The following POU2F3 variants were observed in gnomAD, a reference collection of about 807,000 sequenced individuals.
The protein encoded by POU2F3 is POU class 2 homeobox 3.
Under a neutral mutation model 59.2 loss-of-function variants are expected in POU2F3, and 23 were observed. That is an observed-to-expected ratio of 0.39 (90% CI 0.28 to 0.55). The LOEUF (loss-of-function observed/expected upper bound fraction) is 0.55. POU2F3 is among the 20% of genes least tolerant of loss of function. The pLI is 0.66. For missense variants in POU2F3, 473 were observed against 544.5 expected (o/e 0.87, Z 1.31); for synonymous variants, 190 against 214.6 (o/e 0.89, Z 1.00).
intron 6 of POU2F3, among the ~76,000 whole-genome samples, chr11:120,304,605 AAAAAAAC>A (rs1252489589): frequency 4.3e-4 from 64 of 150,572 alleles, no homozygotes; most frequent in Non-Finnish European, 1.8e-4. Flanking sequence ...TGCTTTATGG[AAAAAAAC>A]AAAAAACAAA....
At chr11:120,310,532 G>T (rs1393784333) in intron 10 of POU2F3, among the ~76,000 whole-genome samples, 1 of 152,182 alleles carries the variant, frequency 6.6e-6, no homozygotes, top group Non-Finnish European at 1.5e-5. Flanking sequence ...GAAGTTCTAG[G>T]GAGACAATGA....
intron 3 of POU2F3, among the ~76,000 whole-genome samples, chr11:120,290,293 A>G (rs2135260916): frequency 6.6e-6 from 1 of 152,352 alleles, no homozygotes; most frequent in Admixed American, 6.5e-5. Context: ...AGACCTGTTG[A>G]AAACTTCACT....
rs140899940 is a variant in POU2F3 at position 120,294,965 on chromosome 11, A to G, written c.133-3300A>G. 2.0e-4 allele frequency among the ~76,000 whole-genome samples: 31 copies of G among 152,364 alleles called. No homozygotes were observed. In the East Asian group the frequency reaches 5.6e-3, roughly 27 times the overall value. Reference sequence around the variant, plus strand: ...AAGAAGATAAAAATAAATAAATAAAAATTATAAAAGAGTAAAAAGTCGGTC... The same window carrying G: ...AAGAAGATAAAAATAAATAAATAAAGATTATAAAAGAGTAAAAAGTCGGTC... On this transcript the variant is annotated intron_variant, in intron 3 of 12. Coordinates refer to ENST00000543440, the MANE Select transcript of POU2F3 (RefSeq NM_014352.4).
chr11:120,307,342 C>G (rs1941523089), intron 8 of POU2F3, 137 bp from the exon 9 acceptor site: 3 of 1,007,192 alleles, frequency 3.0e-6, no homozygotes, highest in East Asian at 2.4e-5. Context: ...TTCTGGGCTC[C>G]CTGCTGGGGG....
chr11:120,275,865 C>T (rs1004795724), intron 3 of POU2F3, among the ~76,000 whole-genome samples: 1 of 152,186 alleles, frequency 6.6e-6, no homozygotes, highest in Non-Finnish European at 1.5e-5. Context: ...TAGTTTTAAA[C>T]CAACTGGGAT....
In POU2F3 at chr11:120,246,553, G is replaced by T. The variant is rs766843782; in HGVS notation, c.97+36G>T. 17 of 1,600,422 alleles carry T rather than the reference G, an allele frequency of 1.1e-5. 1 individual carries two copies. In the South Asian group the frequency reaches 1.9e-4, roughly 18 times the overall value. ...TCTCTTCTCGGGGATGGAGGGGGTG[G>T]GGGGAAGAGAGTTGTTGGGAATTGT... On this transcript the variant is annotated intron_variant, in intron 2 of 12. Transcript: ENST00000543440.
chr11:120,255,556 T>A (rs990034171), intron 2 of POU2F3, among the ~76,000 whole-genome samples: 2 of 151,882 alleles, frequency 1.3e-5, no homozygotes, highest in African/African-American at 4.8e-5. Context: ...AAGGTTTTCT[T>A]GAGGAGGGAA....
intron 2 of POU2F3, among the ~76,000 whole-genome samples, chr11:120,247,388 A>T (rs1565352681): frequency 6.6e-6 from 1 of 152,154 alleles, no homozygotes; most frequent in Non-Finnish European, 1.5e-5. Context: ...CCATTCTTGA[A>T]GCTATGAGAT....
intron 2 of POU2F3, among the ~76,000 whole-genome samples, chr11:120,255,568 C>T (rs2715881): frequency 0.41 from 62,903 of 151,682 alleles, 15,526 homozygotes; most frequent in East Asian, 1. Context: ...AGGAGGGAAG[C>T]GTGGACAAAA....
intron 2 of POU2F3, chr11:120,250,443 C>T (rs1256413649): frequency 6.6e-6 from 1 of 152,206 alleles, no homozygotes; most frequent in Non-Finnish European, 1.5e-5. Flanking sequence ...TAAGGGTGTT[C>T]TCAAATACTT....
At chr11:120,296,946 A>G (rs933303303) in intron 3 of POU2F3, among the ~76,000 whole-genome samples, 1 of 152,252 alleles carries the variant, frequency 6.6e-6, no homozygotes, top group South Asian at 2.1e-4. Context: ...AGAATTAAGC[A>G]CAAGTTTAGC....
chr11:120,244,974 G>A (rs1282722692), intron 1 of POU2F3, among the ~76,000 whole-genome samples: 1 of 152,124 alleles, frequency 6.6e-6, no homozygotes, highest in African/African-American at 2.4e-5. Context: ...GGGTAAGGTT[G>A]CAGGTCTTCC....
At chr11:120,296,723 T>C (rs949948611) in intron 3 of POU2F3, among the ~76,000 whole-genome samples, 10 of 152,202 alleles carry the variant, frequency 6.6e-5, no homozygotes, top group Non-Finnish European at 1.5e-5. Flanking sequence ...TACAGGACAT[T>C]ATCTCATTCC....
At chr11:120,238,735 G>A (rs868103319), upstream of POU2F3, among the ~76,000 whole-genome samples, 1 of 149,026 alleles carries the variant, frequency 6.7e-6, no homozygotes, top group African/African-American at 2.5e-5. Context: ...TCAGGAGGCT[G>A]AGGAGAATCG....
intron 2 of POU2F3, among the ~76,000 whole-genome samples, chr11:120,248,915 G>C (rs1420212616): frequency 2.6e-5 from 4 of 152,182 alleles, no homozygotes; most frequent in African/African-American, 9.7e-5. Context: ...ATGAATTAAG[G>C]GGTGGTTTGT....
intron 5 of POU2F3, chr11:120,301,103 G>T (rs1376770096): frequency 8.8e-6 from 4 of 455,424 alleles, no homozygotes; most frequent in South Asian, 3.1e-5. Context: ...AGTGTATGAT[G>T]CAGTGGTGGA....
chr11:120,307,756 C>T, intron 9 of POU2F3, 141 bp downstream of exon 9: 1 of 1,126,736 alleles, frequency 8.9e-7, no homozygotes, highest in East Asian at 2.6e-5. Context: ...TTATCCCACT[C>T]CAGGCGCCCA....
chr11:120,290,808 A>G (rs560963284), intron 3 of POU2F3, among the ~76,000 whole-genome samples: 35 of 152,274 alleles, frequency 2.3e-4, no homozygotes, highest in African/African-American at 7.5e-4. Context: ...TGGTGTGTAT[A>G]TGTGTGTGTG....
chr11:120,318,766 T>G lies in POU2F3; in HGVS notation c.*374T>G, dbSNP rs1941850837. On this transcript the variant is annotated 3_prime_UTR_variant, in exon 13 of 13. Transcript: ENST00000543440. ...ATCCGTGGGCTTCTGGGGACAGCCA[T>G]TTGGCTGGGGTGCCAAACACCAGAA... The G allele has an allele frequency of 4.6e-6, 1 of 219,456 alleles. No homozygotes were observed. The highest frequency in any genetic ancestry group is 8.9e-6 in the Non-Finnish European group (1 of 112,866). 13.6% of individuals were successfully genotyped at this position (219,456 alleles called of 1,614,324 possible).
Sources: allele counts gnomAD v4.1 joint callset (sites outside exome capture counted in the v4.1 genomes callset), GRCh38; gene constraint gnomAD v4.1.1; transcripts MANE v1.5; gene names NCBI Gene and HGNC (gene_info 2026-07-23, HGNC 2026-07-21).